The following ADAMTSL4 variants were observed in gnomAD, a reference collection of about 807,000 sequenced individuals.
The protein encoded by ADAMTSL4 is ADAMTS like 4.
In ADAMTSL4, 97 loss-of-function variants were observed where a neutral mutation model predicts 122.8. The ratio of observed to expected loss-of-function variants is 0.79; its 90% confidence interval spans 0.67 to 0.93. The LOEUF (loss-of-function observed/expected upper bound fraction) is 0.93, where lower values mean the gene tolerates loss of function less well. Ranked by LOEUF, ADAMTSL4 falls within the 40% of genes least tolerant of loss-of-function variation. The pLI is 0.00. For synonymous variants in ADAMTSL4, 592 were observed against 568.0 expected (o/e 1.04, Z -0.60); for missense variants, 1,408 against 1,453.5 (o/e 0.97, Z 0.51).
Position 150,559,351 on chromosome 1 carries a change from C to T in ADAMTSL4, c.2828C>T (p.Thr943Met), listed in dbSNP as rs370922188. 8.1e-6 allele frequency: 13 copies of T among 1,613,848 alleles called. No individual in the cohort carries two copies. The South Asian group carries it at 9.9e-5, about 12-fold the overall frequency. Residue 943 changes from threonine to methionine, a missense_variant, in exon 17 of 19, where the codon ACG (threonine) becomes ATG (methionine). Transcript: ENST00000271643. The surrounding 1 kb of genome is among the most constrained non-coding windows in gnomAD (Gnocchi z 4.1). Reference protein sequence around the residue: ...RDIICVSKLGTEFNVTSPSNC... With the variant: ...RDIICVSKLGMEFNVTSPSNC... ...ATCATCTGTGTATCCAAACTGGGGA[C>T]GGAGTTCAACGTGACTTCTCCGAGC...
In ADAMTSL4 at chr1:150,556,084, A is replaced by T; in HGVS notation, c.1372-78A>T. 1.3e-6 allele frequency: 2 copies of T among 1,521,546 alleles called. No individual in the cohort carries two copies. The highest frequency in any genetic ancestry group is 1.8e-6 in the Non-Finnish European group (2 of 1,104,158). The allele number at this position is 1,521,546 out of a possible 1,614,324, so 94.3% of individuals were successfully genotyped here. A position where few individuals can be genotyped will look rare whatever the true frequency, so the allele number is the denominator to read the frequency against. On this transcript the variant is annotated intron_variant, in intron 8 of 18. Transcript: ENST00000271643. This position sits in a 1 kb window ranked among gnomAD's most constrained non-coding sequence, Gnocchi z 4.1. ...GCACAAAAAGCAGGGTAGTGAGCTG[A>T]GGCTCCCGAGGGGACCGGGGTGGGG...
intron 14 of ADAMTSL4, 124 bp from the exon 15 acceptor site, chr1:150,558,349 C>T: frequency 1.3e-6 from 2 of 1,544,088 alleles, no homozygotes; most frequent in Non-Finnish European, 1.7e-6. Context: ...CCTCCTCAGC[C>T]CACGAAGCCA....
At position 150,553,581 on chromosome 1, in the gene ADAMTSL4, C is replaced by T. The variant is rs772656678; in HGVS notation, c.590C>T (p.Pro197Leu). Reference sequence around the variant, plus strand: ...AGAGGGGAAGAGGCTATTCCGTCCCCTACTCCAAGAGCAGAGCCATTCTCC... The same window carrying T: ...AGAGGGGAAGAGGCTATTCCGTCCCTTACTCCAAGAGCAGAGCCATTCTCC... The part of the protein sequence containing the change: ...SSRGEEAIPS[P>L]TPRAEPFSAN... The change falls in exon 6 of 19, where the codon CCT (proline) becomes CTT (leucine). Residue 197 changes from proline to leucine, a missense_variant. Coordinates refer to ENST00000271643, the MANE Select transcript of ADAMTSL4 (RefSeq NM_019032.6). The T allele has an allele frequency of 1.2e-6, 2 of 1,613,878 alleles. No individual in the cohort carries two copies. The highest frequency in any genetic ancestry group is 1.3e-5 in the African/African-American group (1 of 74,934).
In ADAMTSL4 at chr1:150,556,129, T is replaced by C. The variant is rs587611363; in HGVS notation, c.1372-33T>C. On this transcript the variant is annotated intron_variant, in intron 8 of 18. Coordinates refer to ENST00000271643, the MANE Select transcript of ADAMTSL4 (RefSeq NM_019032.6). The surrounding 1 kb of genome is among the most constrained non-coding windows in gnomAD (Gnocchi z 4.1). ...GTGGGGTTGAGGTGGTGTCTGGCGT[T>C]CTGTGGCCACTGCCTCACCTCACTC... The C allele has an allele frequency of 1.3e-4, 204 of 1,611,932 alleles. 2 individuals are homozygous for C. In the South Asian group the frequency reaches 2.1e-3, roughly 17 times the overall value.
In ADAMTSL4 at chr1:150,554,150, A is replaced by G. The variant is rs1272803098; in HGVS notation, c.1131+28A>G. The G allele has an allele frequency of 7.5e-6, 12 of 1,595,788 alleles. No homozygotes were observed. The highest frequency in any genetic ancestry group is 9.3e-6 in the Non-Finnish European group (11 of 1,178,420). ...GAGTCTCCTCGGGCCTCCCCTCCCA[A>G]CCCCGACCTCCAGTGTGGCTTCCCT... On this transcript the variant is annotated intron_variant, in intron 6 of 18. Transcript: ENST00000271643. This position sits in a 1 kb window ranked among gnomAD's most constrained non-coding sequence, Gnocchi z 4.0.
In ADAMTSL4 at chr1:150,556,049, C is replaced by A; in HGVS notation, c.1372-113C>A. 8.6e-7 allele frequency: 1 copy of A among 1,164,564 alleles called. No individual in the cohort carries two copies. Among genetic ancestry groups the A allele is most frequent in the Non-Finnish European group, 1.3e-6 (1 of 797,664 alleles). The allele number at this position is 1,164,564 out of a possible 1,614,324, so 72.1% of individuals were successfully genotyped here. A position where few individuals can be genotyped will look rare whatever the true frequency, so the allele number is the denominator to read the frequency against. ...GGGATGGTGGGGCTGTTTTTGTGCTCTCACTTGTGGCACAAAAAGCAGGGT... is the reference window on the plus strand; with the variant it reads ...GGGATGGTGGGGCTGTTTTTGTGCTATCACTTGTGGCACAAAAAGCAGGGT... On this transcript the variant is annotated intron_variant, in intron 8 of 18. Transcript: ENST00000271643. This position sits in a 1 kb window ranked among gnomAD's most constrained non-coding sequence, Gnocchi z 4.1.
At chr1:150,558,883 C>T (rs1183480317) in intron 15 of ADAMTSL4, 79 bp from the exon 16 acceptor site, 12 of 1,539,396 alleles carry the variant, frequency 7.8e-6, no homozygotes, top group Non-Finnish European at 1.0e-5. Context: ...ACCCAGGATG[C>T]GTCCCTCCCT....
Position 150,554,718 on chromosome 1 carries a change from C to A in ADAMTSL4, c.1234+251C>A. 1 of 1,461,898 alleles carries A rather than the reference C, an allele frequency of 6.8e-7. No individual in the cohort carries two copies. The highest frequency in any genetic ancestry group is 9.2e-7 in the Non-Finnish European group (1 of 1,088,188). 90.6% of individuals were successfully genotyped at this position (1,461,898 alleles called of 1,614,324 possible). ...CCGGACTCCCCTGGGAAGGCCATCACTGGGGGTCAGGTGGCTGTGACACAA... is the reference window on the plus strand; with the variant it reads ...CCGGACTCCCCTGGGAAGGCCATCAATGGGGGTCAGGTGGCTGTGACACAA... On this transcript the variant is annotated intron_variant, in intron 7 of 18. Coordinates refer to ENST00000271643, the MANE Select transcript of ADAMTSL4 (RefSeq NM_019032.6). This position sits in a 1 kb window ranked among gnomAD's most constrained non-coding sequence, Gnocchi z 4.0.
Position 150,554,798 on chromosome 1 carries a change from C to T in ADAMTSL4, c.1234+331C>T. On this transcript the variant is annotated intron_variant, in intron 7 of 18. Transcript: ENST00000271643. The surrounding 1 kb of genome is among the most constrained non-coding windows in gnomAD (Gnocchi z 4.0). ...GCCGTGACAGCCAGGTGGGGGTGTG[C>T]CACGCATCCTGGGCACTGTCGTATC... 2 of 775,304 alleles carry T rather than the reference C, an allele frequency of 2.6e-6. No individual in the cohort carries two copies. The highest frequency in any genetic ancestry group is 4.1e-6 in the Non-Finnish European group (2 of 491,188). The allele number at this position is 775,304 out of a possible 1,614,324, so 48.0% of individuals were successfully genotyped here. A position where few individuals can be genotyped will look rare whatever the true frequency, so the allele number is the denominator to read the frequency against.
Position 150,558,988 on chromosome 1 carries a change from C to G in ADAMTSL4, c.2586C>G (p.Ile862Met). 1.9e-6 allele frequency: 3 copies of G among 1,610,610 alleles called. No individual in the cohort carries two copies. Among genetic ancestry groups the G allele is most frequent in the Non-Finnish European group, 2.5e-6 (3 of 1,179,434 alleles). Reference protein sequence around the residue: ...SKCSAECGTGIQRRSVVCLGS... With the variant: ...SKCSAECGTGMQRRSVVCLGS... ...GCTCAGCCGAGTGTGGGACGGGAAT[C>G]CAGCGGCGCTCTGTGGTCTGCCTTG... The change falls in exon 16 of 19, where the codon ATC becomes ATG. Residue 862 changes from isoleucine (I) to methionine (M), a missense_variant. Physicochemically the swap from Ile to Met is conservative, Grantham distance 10. Transcript: ENST00000271643.
Position 150,555,489 on chromosome 1 carries a change from G to T in ADAMTSL4, c.1295G>T (p.Arg432Leu), listed in dbSNP as rs770866492. 1 of 1,614,138 alleles carries T rather than the reference G, an allele frequency of 6.2e-7. No individual in the cohort carries two copies. The highest frequency in any genetic ancestry group is 8.5e-7 in the Non-Finnish European group (1 of 1,180,022). The change falls in exon 8 of 19, where the codon CGT becomes CTT. Residue 432 changes from arginine (R) to leucine (L), a missense_variant. Arg to Leu is a moderately radical substitution (Grantham distance 102, BLOSUM62 -2). Coordinates refer to ENST00000271643, the MANE Select transcript of ADAMTSL4 (RefSeq NM_019032.6). ...CCCCGTGGCTTCCGCTTCTATGTCC[G>T]TCACACTGAAAAGGTCCAGGATGGG... ...CRPRGFRFYV[R>L]HTEKVQDGTL...
In ADAMTSL4 at chr1:150,552,495, C is replaced by A. The variant is rs1442069370; in HGVS notation, c.21-48C>A. 6 of 1,611,690 alleles carry A rather than the reference C, an allele frequency of 3.7e-6. No individual in the cohort carries two copies. Among genetic ancestry groups the A allele is most frequent in the Admixed American group, 1.7e-5 (1 of 59,964 alleles). Reference sequence around the variant, plus strand: ...GGGGCGGAGGGCAGTGTTGCAACACCCCCTCTGGCTCCAGTCTGACGTCCC... The same window carrying A: ...GGGGCGGAGGGCAGTGTTGCAACACACCCTCTGGCTCCAGTCTGACGTCCC... On this transcript the variant is annotated intron_variant, in intron 3 of 18. Transcript: ENST00000271643. The surrounding 1 kb of genome is among the most constrained non-coding windows in gnomAD (Gnocchi z 4.0).
chr1:150,558,577 G>GC lies in ADAMTSL4; in HGVS notation c.2493dup (p.Ser832GlnfsTer6), dbSNP rs763535661. On this transcript the variant is annotated frameshift_variant, in exon 15 of 19. Transcript: ENST00000271643. LOFTEE classifies it high-confidence loss of function. ...AGGAGTGTGCGTCAGGCCCCCCGCA[G>GC]CCCCCCAGCAGAGAGGCCTGTGACA... is the stretch of plus-strand genomic sequence containing the variant. The GC allele has an allele frequency of 6.8e-6, 11 of 1,613,622 alleles. No homozygotes were observed. The highest frequency in any genetic ancestry group is 3.3e-5 in the Admixed American group (2 of 60,020).
intron 15 of ADAMTSL4, 129 bp from the exon 16 acceptor site, chr1:150,558,833 G>T: frequency 3.9e-6 from 6 of 1,538,842 alleles, no homozygotes; most frequent in African/African-American, 1.4e-5. Flanking sequence ...CCTCGTCCGG[G>T]CCTGGTACCC....
chr1:150,558,393 C>T (rs1672423659), intron 14 of ADAMTSL4, 80 bp from the exon 15 acceptor site: 1 of 1,598,940 alleles, frequency 6.3e-7, no homozygotes, highest in Admixed American at 1.7e-5. Context: ...AAGGCAGAGC[C>T]TGGTTCTGAA....
In ADAMTSL4 at chr1:150,556,088, TC is replaced by T; in HGVS notation, c.1372-71del. 6.5e-7 allele frequency: 1 copy of T among 1,545,200 alleles called. No individual in the cohort carries two copies. Among genetic ancestry groups the T allele is most frequent in the Non-Finnish European group, 8.9e-7 (1 of 1,124,608 alleles). ...AAAAAGCAGGGTAGTGAGCTGAGGC[TC>T]CCGAGGGGACCGGGGTGGGGTTGAG... On this transcript the variant is annotated intron_variant, in intron 8 of 18. Transcript: ENST00000271643. The surrounding 1 kb of genome is among the most constrained non-coding windows in gnomAD (Gnocchi z 4.1).
Position 150,552,661 on chromosome 1 carries a change from C to T in ADAMTSL4, c.78+61C>T. On this transcript the variant is annotated intron_variant, in intron 4 of 18. Transcript: ENST00000271643. The surrounding 1 kb of genome is among the most constrained non-coding windows in gnomAD (Gnocchi z 4.0). Reference sequence around the variant, plus strand: ...TGCCACCCTTTCATCTCCCCCTAGGCTCCCACCCCATCTCTCCAGGCCACG... The same window carrying T: ...TGCCACCCTTTCATCTCCCCCTAGGTTCCCACCCCATCTCTCCAGGCCACG... 4.5e-6 allele frequency: 7 copies of T among 1,561,246 alleles called. No individual in the cohort carries two copies. The highest frequency in any genetic ancestry group is 6.1e-6 in the Non-Finnish European group (7 of 1,150,308).
chr1:150,553,321 C>T (rs939844776), intron 5 of ADAMTSL4, 68 bp downstream of exon 5: 2 of 1,603,628 alleles, frequency 1.2e-6, no homozygotes. Context: ...GAAAGGGGAG[C>T]ACGGGTGGCT....
chr1:150,555,881 A>T (rs941761921), intron 8 of ADAMTSL4: 17 of 603,228 alleles, frequency 2.8e-5, no homozygotes, highest in Non-Finnish European at 5.0e-5. Flanking sequence ...GCACACATGC[A>T]CACACACGTA....
Sources: allele counts gnomAD v4.1 joint callset, GRCh38; gene constraint gnomAD v4.1.1; non-coding constraint Gnocchi (gnomAD v3.1); transcripts MANE v1.5; gene names NCBI Gene and HGNC (gene_info 2026-07-23, HGNC 2026-07-21).